Variants in CRACD observed in about 807,000 individuals in gnomAD.
The protein encoded by CRACD is capping protein inhibiting regulator of actin dynamics.
A neutral mutation model predicts 106.8 loss-of-function variants in CRACD; 56 were observed. The ratio of observed to expected loss-of-function variants is 0.52; its 90% CI spans 0.42 to 0.66. The LOEUF is 0.66. CRACD is among the 30% of genes least tolerant of loss of function. The pLI is 0.00. For missense variants in CRACD, 1,730 were observed against 1,623.2 expected (o/e 1.07, Z -1.13); for synonymous variants, 754 against 670.8 (o/e 1.12, Z -1.92).
chr4:56,322,280 T>C (rs1291745268), intron 8 of CRACD, among the ~76,000 whole-genome samples: 1 of 152,192 alleles, frequency 6.6e-6, no homozygotes, highest in African/African-American at 2.4e-5. Context: ...AATAAGACAT[T>C]ATCATCTCCA....
intron 2 of CRACD, among the ~76,000 whole-genome samples, chr4:56,182,887 G>A (rs913886290): frequency 6.6e-6 from 1 of 151,690 alleles, no homozygotes; most frequent in African/African-American, 2.4e-5. Context: ...GTGTGTGTGT[G>A]TGTGTGTGTG....
At chr4:56,174,890 A>G (rs918161498) in intron 1 of CRACD, among the ~76,000 whole-genome samples, 1 of 152,238 alleles carries the variant, frequency 6.6e-6, no homozygotes, top group Admixed American at 6.5e-5. Context: ...AAAATTTACA[A>G]TCATGACAGA....
intron 10 of CRACD, 48 bp downstream of exon 10, chr4:56,324,314 T>C (rs753731009): frequency 6.4e-7 from 1 of 1,562,116 alleles, no homozygotes; most frequent in Non-Finnish European, 8.7e-7. Context: ...AGGTTTCTCT[T>C]TGTAGAGCGT....
intron 2 of CRACD, among the ~76,000 whole-genome samples, chr4:56,214,673 C>CTATA (rs1259862155): frequency 1.4e-5 from 1 of 72,952 alleles, no homozygotes; most frequent in African/African-American, 4.9e-5. Context: ...CTCTCTCTCT[C>CTATA]TCTCTCTCTA....
At chr4:56,073,274 C>G (rs1017194750) in intron 1 of CRACD, among the ~76,000 whole-genome samples, 1 of 152,156 alleles carries the variant, frequency 6.6e-6, no homozygotes, top group Non-Finnish European at 1.5e-5. Flanking sequence ...TCTGTTGTTT[C>G]CTGTCTTTTT....
At chr4:56,255,163 A>T (rs895010678) in intron 2 of CRACD, among the ~76,000 whole-genome samples, 2 of 151,326 alleles carry the variant, frequency 1.3e-5, no homozygotes, top group African/African-American at 4.8e-5. Flanking sequence ...AATCATTTTG[A>T]AATCTATAAC....
chr4:56,075,755 G>A (rs948492070), intron 1 of CRACD, among the ~76,000 whole-genome samples: 2 of 152,074 alleles, frequency 1.3e-5, no homozygotes, highest in African/African-American at 4.8e-5. Context: ...GTGTCCATGG[G>A]TTCCTTTCCC....
At chr4:56,187,335 G>A (rs1212844357) in intron 2 of CRACD, among the ~76,000 whole-genome samples, 1 of 152,132 alleles carries the variant, frequency 6.6e-6, no homozygotes, top group Non-Finnish European at 1.5e-5. Flanking sequence ...TGTCTTGAAA[G>A]ATGAGAAGGT....
At chr4:56,253,058 T>C (rs570781476) in intron 2 of CRACD, among the ~76,000 whole-genome samples, 6 of 152,296 alleles carry the variant, frequency 3.9e-5, no homozygotes, top group African/African-American at 1.4e-4. Context: ...ATTCGGGTTA[T>C]AGGACTGTGA....
At chr4:56,100,358 A>G (rs1043638350) in intron 1 of CRACD, among the ~76,000 whole-genome samples, 3 of 152,206 alleles carry the variant, frequency 2.0e-5, no homozygotes, top group African/African-American at 7.2e-5. Flanking sequence ...CATTCTGAGC[A>G]GCTCTATATA....
intron 2 of CRACD, among the ~76,000 whole-genome samples, chr4:56,260,152 C>T (rs505852): frequency 0.25 from 38,692 of 152,106 alleles, 5,093 homozygotes; most frequent in Non-Finnish European, 0.27. Context: ...GTGTTTCTTC[C>T]TTATTTTGTT....
intron 1 of CRACD, among the ~76,000 whole-genome samples, chr4:56,088,489 C>T (rs1017270172): frequency 6.6e-6 from 1 of 151,604 alleles, no homozygotes; most frequent in Admixed American, 6.6e-5. Flanking sequence ...TGCAGGTGTG[C>T]ACCATGATGC....
intron 1 of CRACD, among the ~76,000 whole-genome samples, chr4:56,114,372 T>TA (rs912331921): frequency 1.3e-5 from 2 of 151,614 alleles, no homozygotes; most frequent in African/African-American, 2.4e-5. Context: ...CTGGCCCCTT[T>TA]AAAAAAAACT....
intron 1 of CRACD, among the ~76,000 whole-genome samples, chr4:56,121,392 C>A (rs1468289704): frequency 1.3e-5 from 2 of 152,158 alleles, no homozygotes; most frequent in African/African-American, 4.8e-5. Flanking sequence ...TATCACAATA[C>A]TGAGCCATCA....
At chr4:56,208,147 G>C (rs1738221883) in intron 2 of CRACD, among the ~76,000 whole-genome samples, 2 of 151,994 alleles carry the variant, frequency 1.3e-5, no homozygotes, top group Admixed American at 1.3e-4. Flanking sequence ...TTTGGAAAAA[G>C]CTGTTCATGT....
At chr4:56,068,439 T>G (rs932659995) in intron 1 of CRACD, among the ~76,000 whole-genome samples, 1 of 152,198 alleles carries the variant, frequency 6.6e-6, no homozygotes, top group Non-Finnish European at 1.5e-5. Context: ...CTTTGACTTT[T>G]ACTTCAGATG....
intron 2 of CRACD, among the ~76,000 whole-genome samples, chr4:56,254,989 C>T (rs2109598148): frequency 6.6e-6 from 1 of 151,560 alleles, no homozygotes; most frequent in Admixed American, 6.6e-5. Context: ...TGGCAGGCAC[C>T]TATAGTCCCA....
Position 56,315,912 on chromosome 4 carries a change from C to T in CRACD, c.2410C>T (p.Pro804Ser), listed in dbSNP as rs780548238. The T allele has an allele frequency of 2.3e-5, 37 of 1,614,190 alleles. No individual in the cohort carries two copies. The highest frequency in any genetic ancestry group is 3.1e-5 in the Non-Finnish European group (36 of 1,180,034). Residue 804 changes from proline (P) to serine (S), a missense_variant, in exon 8 of 11, where the codon CCT becomes TCT. Transcript: ENST00000682029. This position sits in a 1 kb window ranked among gnomAD's most constrained non-coding sequence, Gnocchi z 4.1. Reference protein sequence around the residue: ...DLPSFLVPSLPYPPQKVVAHT... With the variant: ...DLPSFLVPSLSYPPQKVVAHT... ...CCCGTCTTTCCTTGTCCCAAGCCTT[C>T]CTTACCCTCCGCAGAAAGTGGTGGC...
chr4:56,221,678 TAAAA>T (rs1182523522), intron 2 of CRACD, among the ~76,000 whole-genome samples: 5 of 151,018 alleles, frequency 3.3e-5, no homozygotes, highest in Admixed American at 1.3e-4. Context: ...AAAAATAAAA[TAAAA>T]AAACTCCAAA....
Sources: allele counts gnomAD v4.1 joint callset (sites outside exome capture counted in the v4.1 genomes callset), GRCh38; gene constraint gnomAD v4.1.1; non-coding constraint Gnocchi (gnomAD v3.1); transcripts MANE v1.5; gene names NCBI Gene and HGNC (gene_info 2026-07-23, HGNC 2026-07-21).